Variants in SPOCK3 observed in about 807,000 individuals in gnomAD.
SPOCK3 encodes the protein SPARC (osteonectin), cwcv and kazal like domains proteoglycan 3.
A neutral mutation model predicts 56.6 loss-of-function variants in SPOCK3; 30 were observed. That is an observed-to-expected ratio of 0.53 (90% CI 0.40 to 0.72). The LOEUF (loss-of-function observed/expected upper bound fraction) is 0.72. SPOCK3 is among the 30% of genes least tolerant of loss of function. The pLI is 0.00. For synonymous variants in SPOCK3, 196 were observed against 183.3 expected (o/e 1.07, Z -0.56); for missense variants, 527 against 530.0 (o/e 0.99, Z 0.06).
chr4:166,840,225 A>G (rs892145510), intron 6 of SPOCK3, among the ~76,000 whole-genome samples: 4 of 152,164 alleles, frequency 2.6e-5, no homozygotes, highest in African/African-American at 9.6e-5. Flanking sequence ...CACCTAGTGG[A>G]GAGGAAAATT....
At chr4:166,982,812 T>C (rs555337937) in intron 4 of SPOCK3, among the ~76,000 whole-genome samples, 202 of 152,336 alleles carry the variant, frequency 1.3e-3, no homozygotes, top group African/African-American at 4.6e-3. Flanking sequence ...AGACCATTTA[T>C]TAAGAACACA....
At chr4:167,182,521 G>T (rs934627270) in intron 2 of SPOCK3, among the ~76,000 whole-genome samples, 1 of 150,960 alleles carries the variant, frequency 6.6e-6, no homozygotes, top group African/African-American at 2.4e-5. Flanking sequence ...TACCTGACAA[G>T]TGTTCGCAAA....
chr4:167,108,203 G>T (rs919730989), intron 2 of SPOCK3, among the ~76,000 whole-genome samples: 3 of 151,858 alleles, frequency 2.0e-5, no homozygotes, highest in African/African-American at 7.2e-5. Flanking sequence ...TACACTGTTG[G>T]TGGGAATGTA....
At chr4:167,024,788 C>A (rs940083109) in intron 3 of SPOCK3, among the ~76,000 whole-genome samples, 11 of 151,920 alleles carry the variant, frequency 7.2e-5, no homozygotes, top group African/African-American at 2.7e-4. Flanking sequence ...TCTCACAAAT[C>A]ACCACTAAAG....
At chr4:167,025,221 C>CTT (rs958376875) in intron 3 of SPOCK3, among the ~76,000 whole-genome samples, 4 of 142,062 alleles carry the variant, frequency 2.8e-5, no homozygotes, top group Admixed American at 2.8e-4. Context: ...CCACTGAATG[C>CTT]TTTTTTTTTT....
chr4:167,212,481 T>A (rs1035366618), intron 2 of SPOCK3, among the ~76,000 whole-genome samples: 2 of 152,022 alleles, frequency 1.3e-5, no homozygotes, highest in African/African-American at 4.8e-5. Context: ...GACCTCATGA[T>A]CCACCCGCCT....
At chr4:167,210,489 G>A (rs2111024267) in intron 2 of SPOCK3, among the ~76,000 whole-genome samples, 1 of 152,208 alleles carries the variant, frequency 6.6e-6, no homozygotes, top group African/African-American at 2.4e-5. Context: ...TGGCACACAT[G>A]ATTATTTAAA....
At chr4:167,173,837 T>C (rs977060011) in intron 2 of SPOCK3, among the ~76,000 whole-genome samples, 2 of 152,118 alleles carry the variant, frequency 1.3e-5, no homozygotes, top group African/African-American at 4.8e-5. Context: ...TAGCCTTATG[T>C]GGTCATTGCT....
At chr4:167,050,668 G>C (rs1225720654) in intron 3 of SPOCK3, among the ~76,000 whole-genome samples, 1 of 152,150 alleles carries the variant, frequency 6.6e-6, no homozygotes, top group Non-Finnish European at 1.5e-5. Flanking sequence ...TAGATGAACA[G>C]AGAAACAAAA....
intron 2 of SPOCK3, among the ~76,000 whole-genome samples, chr4:167,156,890 A>C (rs1764863718): frequency 6.6e-6 from 1 of 152,166 alleles, no homozygotes; most frequent in Non-Finnish European, 1.5e-5. Flanking sequence ...AACTGGAATT[A>C]GGCCAAACAA....
intron 8 of SPOCK3, among the ~76,000 whole-genome samples, chr4:166,749,375 A>AGT (rs2126459286): frequency 2.1e-5 from 3 of 145,574 alleles, no homozygotes; most frequent in South Asian, 2.1e-4. Flanking sequence ...TTCTGAGCAA[A>AGT]CTATCACAAG....
chr4:167,220,378 C>CTGTTTTTTTTT (rs1735784446), intron 2 of SPOCK3, among the ~76,000 whole-genome samples: 1 of 130,068 alleles, frequency 7.7e-6, no homozygotes, highest in Non-Finnish European at 1.6e-5. Flanking sequence ...ACTGTAAGAA[C>CTGTTTTTTTTT]TTTTTTTTTT....
At chr4:166,842,241 G>A (rs978333944) in intron 6 of SPOCK3, among the ~76,000 whole-genome samples, 2 of 152,200 alleles carry the variant, frequency 1.3e-5, no homozygotes, top group African/African-American at 2.4e-5. Flanking sequence ...ACTTCAGCAC[G>A]TTGCTTTTGC....
chr4:166,747,858 C>T (rs1036285354), intron 8 of SPOCK3, among the ~76,000 whole-genome samples: 2 of 151,818 alleles, frequency 1.3e-5, no homozygotes, highest in African/African-American at 4.8e-5. Flanking sequence ...AACAGAGAGC[C>T]AAATCATGAG....
intron 2 of SPOCK3, among the ~76,000 whole-genome samples, chr4:167,146,382 G>A (rs1365654892): frequency 7.9e-5 from 12 of 152,086 alleles, no homozygotes; most frequent in Non-Finnish European, 1.6e-4. Context: ...ACGCCTCACT[G>A]TCAATATTAG....
chr4:167,217,815 C>T (rs1413610650), intron 2 of SPOCK3, among the ~76,000 whole-genome samples: 1 of 151,730 alleles, frequency 6.6e-6, no homozygotes, highest in African/African-American at 2.4e-5. Context: ...TACTAAATGG[C>T]TATACATGAT....
chr4:167,149,866 T>C (rs1390526781), intron 2 of SPOCK3, among the ~76,000 whole-genome samples: 2 of 151,728 alleles, frequency 1.3e-5, no homozygotes, highest in Non-Finnish European at 2.9e-5. Context: ...TACACACACA[T>C]ATACTAAAAG....
intron 2 of SPOCK3, among the ~76,000 whole-genome samples, chr4:167,168,118 GA>G (rs1354520866): frequency 6.6e-6 from 1 of 152,152 alleles, no homozygotes; most frequent in Admixed American, 6.5e-5. Flanking sequence ...GTGGACCTGT[GA>G]GTCCATTAAA....
At chr4:167,036,217 C>T (rs573637240) in intron 3 of SPOCK3, among the ~76,000 whole-genome samples, 3 of 152,174 alleles carry the variant, frequency 2.0e-5, no homozygotes, top group Admixed American at 6.5e-5. Flanking sequence ...TATGCTTTTG[C>T]GACGTGCCAA....
Sources: gnomAD v4.1 joint callset for allele counts (sites outside exome capture counted in the v4.1 genomes callset) on GRCh38, gnomAD v4.1.1 for gene constraint, MANE v1.5 for transcripts, NCBI Gene and HGNC (gene_info 2026-07-23, HGNC 2026-07-21) for gene names.